TUT4: variants seen among roughly 807,000 people sequenced by gnomAD.
TUT4 encodes terminal uridylyltransferase 4.
TUT4 carries 36 observed loss-of-function variants against 192.2 expected under a neutral mutation model. That is an observed-to-expected ratio of 0.19 (90% CI 0.14 to 0.25). The LOEUF (loss-of-function observed/expected upper bound fraction) is 0.25, where lower values mean the gene tolerates loss of function less well. Ranked by LOEUF, TUT4 falls within the 10% of genes least tolerant of loss-of-function variation. The pLI is 1.00. For synonymous variants in TUT4, 618 were observed against 666.0 expected (o/e 0.93, Z 1.11); for missense variants, 1,493 against 1,957.2 (o/e 0.76, Z 4.47).
At chr1:52,515,811 AAAAT>A in intron 3 of TUT4, 76 bp downstream of exon 3, 1 of 1,546,134 alleles carries the variant, frequency 6.5e-7, no homozygotes, top group South Asian at 1.1e-5. Context: ...GAATAAAAGA[AAAAT>A]AAAAAAAGCT....
chr1:52,532,699 G>C (rs531622267), intron 1 of TUT4, among the ~76,000 whole-genome samples: 4 of 152,038 alleles, frequency 2.6e-5, no homozygotes, highest in African/African-American at 7.2e-5. Context: ...ACTGTGCAAC[G>C]TAAGTACCTC....
intron 24 of TUT4, 130 bp downstream of exon 24, chr1:52,445,657 C>T (rs748012723): frequency 1.6e-5 from 11 of 682,140 alleles, no homozygotes; most frequent in Non-Finnish European, 2.5e-5. Context: ...ATGATAAATG[C>T]AATAAGAAAA....
chr1:52,512,481 T>C (rs77603362), intron 3 of TUT4, among the ~76,000 whole-genome samples: 4 of 152,294 alleles, frequency 2.6e-5, no homozygotes, highest in South Asian at 4.1e-4. Context: ...CTAGACCCAA[T>C]GACTCCAAAA....
chr1:52,503,962 A>G (rs1557874780), intron 4 of TUT4, among the ~76,000 whole-genome samples: 1 of 152,192 alleles, frequency 6.6e-6, no homozygotes, highest in Admixed American at 6.5e-5. Flanking sequence ...CCAAACCTGA[A>G]TCTCCAACTG....
rs1397476687 is a variant in TUT4 at position 52,525,690 on chromosome 1, T to G, written c.591A>C (p.Glu197Asp). 6.2e-7 allele frequency: 1 copy of G among 1,614,158 alleles called. No homozygotes were observed. ...SFTSVDKVNI[E>D]AVGGEKCALQ... Reference sequence around the variant, plus strand: ...GAGCACATTTTTCTCCCCCTACAGCTTCAATATTCACTTTGTCCACAGAAG... The same window carrying G: ...GAGCACATTTTTCTCCCCCTACAGCGTCAATATTCACTTTGTCCACAGAAG... The change falls in exon 2 of 30, where the codon GAA becomes GAC. Residue 197 changes from glutamate (E) to aspartate (D), a missense_variant. Around this residue, in one of 7 missense-constraint regions of TUT4, gnomAD observed 260 missense variants for 247.8 expected, o/e 1.05. Transcript: ENST00000257177.
chr1:52,438,490 A>G (rs575600953), intron 24 of TUT4, among the ~76,000 whole-genome samples, 155 bp from the exon 25 acceptor site: 2 of 152,362 alleles, frequency 1.3e-5, no homozygotes, highest in Middle Eastern at 3.4e-3. Flanking sequence ...TGAAAATAAG[A>G]TTCACAATCA....
chr1:52,542,252 GT>G (rs1268947869), intron 1 of TUT4, among the ~76,000 whole-genome samples: 2 of 152,290 alleles, frequency 1.3e-5, no homozygotes. Context: ...AAATGGAAAT[GT>G]TCTGGAAATG....
At chr1:52,456,690 G>A (rs2148631029) in intron 20 of TUT4, among the ~76,000 whole-genome samples, 1 of 152,094 alleles carries the variant, frequency 6.6e-6, no homozygotes. Context: ...CAGGGGTTGA[G>A]GGGAGGATGA....
At chr1:52,545,013 C>T (rs555920612) in intron 1 of TUT4, among the ~76,000 whole-genome samples, 19 of 149,300 alleles carry the variant, frequency 1.3e-4, no homozygotes, top group African/African-American at 4.2e-4. Context: ...GCCATGATTG[C>T]GCCACTGCAC....
At chr1:52,504,258 T>C (rs1674918182) in intron 4 of TUT4, among the ~76,000 whole-genome samples, 1 of 152,182 alleles carries the variant, frequency 6.6e-6, no homozygotes, top group South Asian at 2.1e-4. Context: ...AACTAGATTA[T>C]TATGAAAGGC....
At chr1:52,424,135 C>CAAAT (rs1481541726) in intron 29 of TUT4, 133 bp from the exon 30 acceptor site, 2 of 839,222 alleles carry the variant, frequency 2.4e-6, no homozygotes, top group African/African-American at 3.5e-5. Flanking sequence ...TGCTGCAAAA[C>CAAAT]ATTTGAGAGG....
intron 15 of TUT4, 50 bp from the exon 16 acceptor site, chr1:52,465,223 G>C (rs199578682): frequency 1.5e-6 from 2 of 1,360,096 alleles, no homozygotes; most frequent in East Asian, 2.3e-5. Flanking sequence ...CAGAGAGGAG[G>C]AGTCTTCTGC....
chr1:52,553,189 C>CG (rs564379921), upstream of TUT4: 4,052 of 145,370 alleles, frequency 0.028, 68 homozygotes, highest in South Asian at 0.065. Flanking sequence ...CGAGGGAGAG[C>CG]GGTTGCCGGG....
At chr1:52,432,766 C>T (rs1053882575) in intron 27 of TUT4, 1 of 152,022 alleles carries the variant, frequency 6.6e-6, no homozygotes, top group African/African-American at 2.4e-5. Flanking sequence ...ACAAGAAATA[C>T]AAAAATTAGC....
chr1:52,476,941 T>C (rs2148909037), intron 12 of TUT4, among the ~76,000 whole-genome samples: 1 of 152,314 alleles, frequency 6.6e-6, no homozygotes, highest in South Asian at 2.1e-4. Flanking sequence ...ACTCTATTGT[T>C]TTCTGTATCT....
chr1:52,456,501 GAAAGAA>G (rs1478380173), intron 20 of TUT4, among the ~76,000 whole-genome samples: 3 of 96,294 alleles, frequency 3.1e-5, no homozygotes, highest in Admixed American at 1.0e-4. Context: ...AAAAAAAAAA[GAAAGAA>G]AAAGAAAAAG....
At chr1:52,457,526 G>A (rs191752612) in intron 20 of TUT4, among the ~76,000 whole-genome samples, 16 of 152,206 alleles carry the variant, frequency 1.1e-4, no homozygotes, top group African/African-American at 3.1e-4. Flanking sequence ...GAGCCACCAC[G>A]CCCAGCCTAT....
At position 52,525,965 on chromosome 1, in the gene TUT4, C is replaced by A; in HGVS notation, c.316G>T (p.Val106Leu). The A allele has an allele frequency of 5.0e-6, 8 of 1,614,096 alleles. No homozygotes were observed. The highest frequency in any genetic ancestry group is 6.8e-6 in the Non-Finnish European group (8 of 1,180,022). The change falls in exon 2 of 30, where the codon GTG becomes TTG. Residue 106 changes from valine to leucine, a missense_variant. Around this residue, in one of 7 missense-constraint regions of TUT4, gnomAD observed 260 missense variants for 247.8 expected, o/e 1.05. Transcript: ENST00000257177. Reference protein sequence around the residue: ...CKAKKFPNSPVKAEKATISQA... With the variant: ...CKAKKFPNSPLKAEKATISQA... The stretch of plus-strand genomic sequence containing the variant: ...GAAATGGTTGCCTTTTCGGCTTTCA[C>A]CGGTGAATTAGGAAATTTTTTTGCT...
chr1:52,434,347 T>C (rs1653065464), intron 27 of TUT4: 1 of 152,212 alleles, frequency 6.6e-6, no homozygotes, highest in African/African-American at 2.4e-5. Context: ...TTATTCTCAG[T>C]TTCCCAATTT....
Sources: allele counts gnomAD v4.1 joint callset (sites outside exome capture counted in the v4.1 genomes callset), GRCh38; gene constraint gnomAD v4.1.1; regional missense constraint gnomAD v4.1.1; transcripts MANE v1.5; gene names NCBI Gene and HGNC (gene_info 2026-07-23, HGNC 2026-07-21).